The following MCM10 variants were observed in gnomAD, a reference collection of about 807,000 sequenced individuals.
MCM10 encodes protein MCM10 homolog.
Under a neutral mutation model 109.9 loss-of-function variants are expected in MCM10, and 91 were observed. The observed-to-expected ratio is 0.83, with a 90% CI of 0.70 to 0.99. The LOEUF is 0.99. Ranked by LOEUF, MCM10 falls within the 50% of genes least tolerant of loss-of-function variation. The probability of loss-of-function intolerance (pLI) is 0.00; values close to 1 mark genes in which losing one functional copy is unlikely to be tolerated. For synonymous variants in MCM10, 380 were observed against 387.2 expected (o/e 0.98, Z 0.22); for missense variants, 1,077 against 1,061.2 (o/e 1.01, Z -0.21).
rs919758883 is a variant in MCM10, at chr10:13,210,540, A to G, written c.*1230A>G. On this transcript the variant is annotated 3_prime_UTR_variant, in exon 20 of 20. Coordinates refer to ENST00000378714, the MANE Select transcript of MCM10 (RefSeq NM_018518.5). Reference sequence around the variant, plus strand: ...CCCCTAAGATGTTATTATGTTAGGGACATAACACTTTTGGGAGGTTGTTGT... The same window carrying G: ...CCCCTAAGATGTTATTATGTTAGGGGCATAACACTTTTGGGAGGTTGTTGT... 3.3e-5 allele frequency: 5 copies of G among 152,170 alleles called. No individual in the cohort carries two copies. Among genetic ancestry groups the G allele is most frequent in the African/African-American group, 1.2e-4 (5 of 41,416 alleles). 9.4% of individuals were successfully genotyped at this position (152,170 alleles called of 1,614,324 possible).
At chr10:13,183,648 G>A (rs1834237565) in intron 8 of MCM10, among the ~76,000 whole-genome samples, 1 of 151,488 alleles carries the variant, frequency 6.6e-6, no homozygotes, top group Non-Finnish European at 1.5e-5. Context: ...AGTTCCTGGA[G>A]TTTTTGAACT....
chr10:13,188,890 GAGTACTGTC>G lies in MCM10; in HGVS notation c.1231_1239del (p.Cys411_Tyr413del). 1.9e-6 allele frequency: 3 copies of G among 1,614,052 alleles called. No homozygotes were observed. Among genetic ancestry groups the G allele is most frequent in the Non-Finnish European group, 2.5e-6 (3 of 1,179,940 alleles). On this transcript the variant is annotated inframe_deletion, in exon 10 of 20. Transcript: ENST00000378714. Reference sequence around the variant, plus strand: ...GCTCTGCCTTTTGCAGCGTGACTGTGAGTACTGTCAGTACCATGTCCAGGCTCAGTACAA... The same window carrying G: ...GCTCTGCCTTTTGCAGCGTGACTGTGAGTACCATGTCCAGGCTCAGTACAA...
chr10:13,176,606 G>A (rs1381510850), intron 6 of MCM10, among the ~76,000 whole-genome samples: 1 of 152,204 alleles, frequency 6.6e-6, no homozygotes, highest in Non-Finnish European at 1.5e-5. Flanking sequence ...CAATAAAAGT[G>A]TATTATAAGG....
At chr10:13,189,965 G>A (rs1372121238) in intron 10 of MCM10, among the ~76,000 whole-genome samples, 2 of 152,016 alleles carry the variant, frequency 1.3e-5, no homozygotes, top group African/African-American at 4.8e-5. Flanking sequence ...TAGCCTATAA[G>A]CTTAAAAAAA....
chr10:13,189,324 CTTT>C (rs997350838), intron 10 of MCM10, among the ~76,000 whole-genome samples: 3 of 143,032 alleles, frequency 2.1e-5, no homozygotes, highest in Admixed American at 7.0e-5. Context: ...TCCTCTTCAA[CTTT>C]TTTTTTTTTT....
intron 5 of MCM10, among the ~76,000 whole-genome samples, chr10:13,175,292 G>A (rs910705484): frequency 2.1e-4 from 32 of 152,052 alleles, no homozygotes; most frequent in African/African-American, 7.5e-4. Context: ...AATTAGCCGA[G>A]CATGGTGGCA....
intron 13 of MCM10, among the ~76,000 whole-genome samples, chr10:13,193,655 T>C (rs1834378352): frequency 6.6e-6 from 1 of 152,024 alleles, no homozygotes; most frequent in African/African-American, 2.4e-5. Context: ...AGAGAATGGG[T>C]TTGGTCTCAG....
chr10:13,172,429 G>A lies in MCM10; in HGVS notation c.403G>A (p.Val135Ile). 2 of 1,614,100 alleles carry A rather than the reference G, an allele frequency of 1.2e-6. No homozygotes were observed. The highest frequency in any genetic ancestry group is 1.7e-6 in the Non-Finnish European group (2 of 1,180,016). Residue 135 changes from valine (V) to isoleucine (I), a missense_variant, in exon 4 of 20, where the codon GTA becomes ATA. Val to Ile is a conservative substitution (Grantham distance 29). Coordinates refer to ENST00000378714, the MANE Select transcript of MCM10 (RefSeq NM_018518.5). This position sits in a 1 kb window ranked among gnomAD's most constrained non-coding sequence, Gnocchi z 5.2. ...QMKALQEQLKVTTIKQTASPA... is the reference protein window; with the variant it reads ...QMKALQEQLKITTIKQTASPA... Reference sequence around the variant, plus strand: ...GAAGGCCTTACAAGAGCAGCTAAAAGTAACAACAATTAAACAGACAGCAAG... The same window carrying A: ...GAAGGCCTTACAAGAGCAGCTAAAAATAACAACAATTAAACAGACAGCAAG...
chr10:13,185,489 G>A (rs1834263297), intron 8 of MCM10, among the ~76,000 whole-genome samples: 1 of 152,194 alleles, frequency 6.6e-6, no homozygotes, highest in African/African-American at 2.4e-5. Context: ...AACTCATTTT[G>A]TCAGGAAAGC....
At position 13,177,396 on chromosome 10, in the gene MCM10, C is replaced by T. The variant is rs573691365; in HGVS notation, c.764+1715C>T. On this transcript the variant is annotated intron_variant, in intron 6 of 19. Coordinates refer to ENST00000378714, the MANE Select transcript of MCM10 (RefSeq NM_018518.5). ...TGGATTTTGGATTCTGGAATATTTA[C>T]ATTTAATAGACTTGCTAGTTAAGCA... is the stretch of plus-strand genomic sequence containing the variant. Among the ~76,000 whole-genome samples, 5 of 151,032 alleles carry T rather than the reference C, an allele frequency of 3.3e-5. No homozygotes were observed. In the South Asian group the frequency reaches 1.1e-3, roughly 32 times the overall value.
chr10:13,163,367 T>C (rs1313161234), intron 1 of MCM10, among the ~76,000 whole-genome samples: 13 of 152,174 alleles, frequency 8.5e-5, no homozygotes, highest in Admixed American at 7.2e-4. Flanking sequence ...ATAATCACTG[T>C]AATTAGTTCC....
chr10:13,188,666 T>G (rs7100057), intron 9 of MCM10, among the ~76,000 whole-genome samples: 2,781 of 152,292 alleles, frequency 0.018, 90 homozygotes, highest in African/African-American at 0.061. Flanking sequence ...CAAGGGGTAT[T>G]TCACCAGAAC....
At chr10:13,167,405 C>CACAGAGGGACGT (rs1355250229) in intron 2 of MCM10, among the ~76,000 whole-genome samples, 1 of 152,102 alleles carries the variant, frequency 6.6e-6, no homozygotes, top group African/African-American at 2.4e-5. Flanking sequence ...GAGGTTGGAT[C>CACAGAGGGACGT]ACAGAGGGAC....
At chr10:13,162,038 A>C (rs1052012502) in intron 1 of MCM10, among the ~76,000 whole-genome samples, 2 of 152,204 alleles carry the variant, frequency 1.3e-5, no homozygotes, top group East Asian at 1.9e-4. Flanking sequence ...GGTAGTAAAC[A>C]AATGCACGAC....
At position 13,175,606 on chromosome 10, in the gene MCM10, T is replaced by C. The variant is rs181810061; in HGVS notation, c.689T>C (p.Ile230Thr). The change falls in exon 6 of 20, where the codon ATT becomes ACT. Residue 230 changes from isoleucine to threonine, a missense_variant. Physicochemically the swap from Ile to Thr is moderately conservative, Grantham distance 89. Coordinates refer to ENST00000378714, the MANE Select transcript of MCM10 (RefSeq NM_018518.5). ...NKPSGITRGQ[I>T]VGTPGSSGET... is the part of the protein sequence containing the mutation. ...CCTAGTGGGATAACTAGAGGTCAAA[T>C]TGTGGGGACCCCAGGAAGTTCTGGG... is the stretch of plus-strand genomic sequence containing the variant. 1.1e-5 allele frequency: 17 copies of C among 1,613,812 alleles called. No individual in the cohort carries two copies. In the African/African-American group the frequency reaches 1.5e-4, roughly 14 times the overall value.
At chr10:13,169,612 T>G (rs1445175581) in intron 2 of MCM10, among the ~76,000 whole-genome samples, 1 of 152,228 alleles carries the variant, frequency 6.6e-6, no homozygotes, top group African/African-American at 2.4e-5. Context: ...TAGCCCATAT[T>G]GTCCTTTATT....
chr10:13,177,700 C>T (rs1229138812), intron 6 of MCM10, among the ~76,000 whole-genome samples: 2 of 151,778 alleles, frequency 1.3e-5, no homozygotes, highest in Non-Finnish European at 2.9e-5. Flanking sequence ...GACAAAACCC[C>T]ATCTCTACAG....
intron 2 of MCM10, among the ~76,000 whole-genome samples, chr10:13,169,737 G>T (rs1015276931): frequency 1.3e-5 from 2 of 152,100 alleles, no homozygotes; most frequent in Non-Finnish European, 2.9e-5. Context: ...ATGGAGTCTC[G>T]CCCTGTCACC....
intron 6 of MCM10, among the ~76,000 whole-genome samples, chr10:13,179,823 G>A (rs1022863611): frequency 2.6e-5 from 4 of 152,132 alleles, no homozygotes; most frequent in East Asian, 1.9e-4. Context: ...TCATGGTTTT[G>A]TAATAAAGTA....
Sources: allele counts gnomAD v4.1 joint callset (sites outside exome capture counted in the v4.1 genomes callset), GRCh38; gene constraint gnomAD v4.1.1; non-coding constraint Gnocchi (gnomAD v3.1); transcripts MANE v1.5; gene names NCBI Gene and HGNC (gene_info 2026-07-23, HGNC 2026-07-21).